Variants in SETX observed in about 807,000 individuals in gnomAD.
SETX encodes the protein helicase senataxin.
A neutral mutation model predicts 227.2 loss-of-function variants in SETX; 90 were observed. The observed-to-expected ratio is 0.40, with a 90% CI of 0.33 to 0.47. The LOEUF is 0.47. Ranked by LOEUF, SETX falls within the 20% of genes least tolerant of loss-of-function variation. SETX has a pLI of 0.91. For synonymous variants in SETX, 1,210 were observed against 1,113.2 expected, an observed-to-expected ratio of 1.09 and a Z score of -1.73; for missense variants, 3,052 against 3,181.5, an observed-to-expected ratio of 0.96 and a Z score of 0.98.
intron 24 of SETX, 26 bp from the exon 25 acceptor site, chr9:132,269,728 C>CT: frequency 6.2e-7 from 1 of 1,610,046 alleles, no homozygotes; most frequent in South Asian, 1.1e-5. Flanking sequence ...AGAGTTCCTT[C>CT]TTTGTCTAGA....
At chr9:132,283,503 A>G (rs1310123083) in intron 18 of SETX, 90 bp from the exon 19 acceptor site, 5 of 1,448,970 alleles carry the variant, frequency 3.5e-6, no homozygotes, top group Non-Finnish European at 4.8e-6. Context: ...CTCACTATTT[A>G]TTAAAATAGA....
chr9:132,334,680 G>A lies in SETX; in HGVS notation c.766C>T (p.Leu256=), dbSNP rs1847479512. ...TTTTGTTTGTCTGAGCCCAACAACA[G>A]GGAATCCATGGCTTGTTCCTCAAGA... ...TILEEQAMDS[L]LLGSDKQNDF... Residue 256 remains leucine (L), a synonymous_variant, in exon 7 of 26, where the codon CTG becomes TTG. Transcript: ENST00000224140. The A allele has an allele frequency of 1.2e-6, 2 of 1,614,004 alleles. No individual in the cohort carries two copies. The highest frequency in any genetic ancestry group is 1.7e-5 in the Admixed American group (1 of 60,016).
In SETX at chr9:132,263,271, G is replaced by C. The variant is rs964770879; in HGVS notation, c.*968C>G. On this transcript the variant is annotated 3_prime_UTR_variant, in exon 26 of 26. Coordinates refer to ENST00000224140, the MANE Select transcript of SETX (RefSeq NM_015046.7). ...GCTGCCTGGTGATCAGAATCCCTTG[G>C]GAAATGTTGAACACACAGCTTCCCA... 6.6e-6 allele frequency: 1 copy of C among 152,112 alleles called. No homozygotes were observed. Among genetic ancestry groups the C allele is most frequent in the Non-Finnish European group, 1.5e-5 (1 of 68,030 alleles). The allele number at this position is 152,112 out of a possible 1,614,324, so 9.4% of individuals were successfully genotyped here.
chr9:132,335,388 C>G (rs1847552220), intron 6 of SETX, among the ~76,000 whole-genome samples: 1 of 36,096 alleles, frequency 2.8e-5, no homozygotes, highest in East Asian at 6.7e-4. Flanking sequence ...AAGACTCCGT[C>G]TCAAAAAAAA....
intron 10 of SETX, among the ~76,000 whole-genome samples, chr9:132,324,852 TC>T (rs1302040531): frequency 6.6e-6 from 1 of 152,222 alleles, no homozygotes; most frequent in African/African-American, 2.4e-5. Context: ...AAAAATTTGC[TC>T]CCACTTCTTA....
intron 13 of SETX, 99 bp from the exon 14 acceptor site, chr9:132,297,153 A>G (rs544503407): frequency 1.0e-6 from 1 of 998,844 alleles, no homozygotes; most frequent in Non-Finnish European, 1.5e-6. Flanking sequence ...CTTTCAATGC[A>G]TGAGACAAAA....
Position 132,330,037 on chromosome 9 carries a change from G to A in SETX, c.1561C>T (p.Leu521=), listed in dbSNP as rs148638979. ...TTAGATGGCATGGAATGCAATGACA[G>A]TGAAGATATCATTGCTGTTCCTTTG... ...CSKGTAMISS[L]SLHSMPSNSV... Residue 521 remains leucine, a synonymous_variant, in exon 10 of 26, where the codon CTG becomes TTG. Coordinates refer to ENST00000224140, the MANE Select transcript of SETX (RefSeq NM_015046.7). 20 of 1,614,154 alleles carry A rather than the reference G, an allele frequency of 1.2e-5. No homozygotes were observed. The highest frequency in any genetic ancestry group is 1.7e-5 in the Admixed American group (1 of 60,038).
intron 10 of SETX, among the ~76,000 whole-genome samples, chr9:132,320,390 A>G (rs1846241720): frequency 1.3e-5 from 2 of 152,172 alleles, no homozygotes; most frequent in Admixed American, 1.3e-4. Context: ...CCTGGCTAAC[A>G]CAGTGAAACC....
Position 132,329,129 on chromosome 9 carries a change from G to C in SETX, c.2469C>G (p.Phe823Leu), listed in dbSNP as rs141163823. Residue 823 changes from phenylalanine (F) to leucine (L), a missense_variant, in exon 10 of 26, where the codon TTC (phenylalanine) becomes TTG (leucine). Physicochemically the swap from Phe to Leu is conservative, Grantham distance 22 (BLOSUM62 0). Coordinates refer to ENST00000224140, the MANE Select transcript of SETX (RefSeq NM_015046.7). Reference sequence around the variant, plus strand: ...GAACTCCTGTATCTTTCCTTGAATAGAAACTCTCAATGTTAGATACAGTCA... The same window carrying C: ...GAACTCCTGTATCTTTCCTTGAATACAAACTCTCAATGTTAGATACAGTCA... ...ENLTVSNIESFYSRKDTGVQK... is the reference protein window; with the variant it reads ...ENLTVSNIESLYSRKDTGVQK... 1,221 of 1,610,084 alleles carry C rather than the reference G, an allele frequency of 7.6e-4. 32 individuals carry two copies. The East Asian group carries it at 0.027, about 36-fold the overall frequency.
In SETX at chr9:132,281,973, G is replaced by A. The variant is rs190517028; in HGVS notation, c.6547-399C>T. On this transcript the variant is annotated intron_variant, in intron 19 of 25. Coordinates refer to ENST00000224140, the MANE Select transcript of SETX (RefSeq NM_015046.7). ...GGAGGCAGAGGTTGCAGTGAGCCGAGATCACATCACTGCACTCCGGTCTGG... is the reference window on the plus strand; with the variant it reads ...GGAGGCAGAGGTTGCAGTGAGCCGAAATCACATCACTGCACTCCGGTCTGG... 6.8e-5 allele frequency among the ~76,000 whole-genome samples: 9 copies of A among 132,758 alleles called. No homozygotes were observed. In the East Asian group the frequency reaches 2.3e-3, roughly 34 times the overall value. 87.1% of individuals were successfully genotyped at this position (132,758 alleles called of 152,430 possible).
At position 132,285,878 on chromosome 9, in the gene SETX, CA is replaced by C. The variant is rs35343871; in HGVS notation, c.6396+544del. Reference sequence around the variant, plus strand: ...CTGGCAACAGAGTGAGACTCTGTCTCAAAAAAAAAAAAACACAAAAGAGGCC... The same window carrying C: ...CTGGCAACAGAGTGAGACTCTGTCTCAAAAAAAAAAAACACAAAAGAGGCC... On this transcript the variant is annotated intron_variant, in intron 18 of 25. Transcript: ENST00000224140. 2.9e-3 allele frequency among the ~76,000 whole-genome samples: 305 copies of C among 106,266 alleles called. 6 individuals carry two copies. In the East Asian group the frequency reaches 0.037, roughly 13 times the overall value. The allele number at this position is 106,266 out of a possible 152,430, so 69.7% of individuals were successfully genotyped here.
chr9:132,267,993 T>C (rs1178391301), intron 25 of SETX, among the ~76,000 whole-genome samples: 1 of 152,240 alleles, frequency 6.6e-6, no homozygotes, highest in African/African-American at 2.4e-5. Context: ...CTAGCAACAT[T>C]TCATTTACTT....
rs767505605 is a variant in SETX at position 132,329,115 on chromosome 9, T to C, written c.2483A>G (p.Asp828Gly). The C allele has an allele frequency of 6.2e-7, 1 of 1,610,262 alleles. No individual in the cohort carries two copies. The highest frequency in any genetic ancestry group is 2.2e-5 in the East Asian group (1 of 44,832). Reference protein sequence around the residue: ...SNIESFYSRKDTGVQKGDGFI... With the variant: ...SNIESFYSRKGTGVQKGDGFI... ...ACCATCTCCTTTCTGAACTCCTGTATCTTTCCTTGAATAGAAACTCTCAAT... is the reference window on the plus strand; with the variant it reads ...ACCATCTCCTTTCTGAACTCCTGTACCTTTCCTTGAATAGAAACTCTCAAT... The change falls in exon 10 of 26, where the codon GAT becomes GGT. Residue 828 changes from aspartate (D) to glycine (G), a missense_variant. Around this residue, in one of 10 missense-constraint regions of SETX, gnomAD observed 1,483 missense variants for 1,312.0 expected, o/e 1.13. Coordinates refer to ENST00000224140, the MANE Select transcript of SETX (RefSeq NM_015046.7).
chr9:132,283,160 C>T lies in SETX; in HGVS notation c.6546+104G>A, dbSNP rs577168773. On this transcript the variant is annotated intron_variant, in intron 19 of 25. Coordinates refer to ENST00000224140, the MANE Select transcript of SETX (RefSeq NM_015046.7). ...GGTAATAGCAAGTGAAAATCAGATG[C>T]AAAAAAAAAAAACACATTTCCTCAA... The T allele has an allele frequency of 1.1e-3, 1,256 of 1,157,402 alleles. 6 individuals are homozygous for T. In the African/African-American group the frequency reaches 0.018, roughly 17 times the overall value. The allele number at this position is 1,157,402 out of a possible 1,614,324, so 71.7% of individuals were successfully genotyped here. A position where few individuals can be genotyped will look rare whatever the true frequency, so the allele number is the denominator to read the frequency against.
chr9:132,281,882 C>A (rs573214855), intron 19 of SETX, among the ~76,000 whole-genome samples: 3 of 151,680 alleles, frequency 2.0e-5, no homozygotes, highest in African/African-American at 7.3e-5. Flanking sequence ...ATTAGCTGGG[C>A]GTGGTGGCAA....
chr9:132,269,715 A>C lies in SETX; in HGVS notation c.7200-13T>G, dbSNP rs766339527. On this transcript the variant is annotated splice_polypyrimidine_tract_variant and intron_variant, in intron 24 of 25. Transcript: ENST00000224140. ...ACTTGCCAGGAATCTAGGCAATAAA[A>C]AAAGAGTTCCTTCTTTGTCTAGAAT... The C allele has an allele frequency of 1.2e-6, 2 of 1,613,474 alleles. No homozygotes were observed. Among genetic ancestry groups the C allele is most frequent in the South Asian group, 2.2e-5 (2 of 91,076 alleles).
intron 11 of SETX, among the ~76,000 whole-genome samples, chr9:132,307,286 A>T (rs1330001191): frequency 6.6e-6 from 1 of 152,060 alleles, no homozygotes; most frequent in Non-Finnish European, 1.5e-5. Context: ...CAACAATAAT[A>T]ATGTTTTCTG....
Position 132,264,011 on chromosome 9 carries a change from C to T in SETX, c.*228G>A, listed in dbSNP as rs1404126022. 2 of 592,814 alleles carry T rather than the reference C, an allele frequency of 3.4e-6. No individual in the cohort carries two copies. The highest frequency in any genetic ancestry group is 2.0e-5 in the South Asian group (1 of 48,978). The allele number at this position is 592,814 out of a possible 1,614,324, so 36.7% of individuals were successfully genotyped here. A position where few individuals can be genotyped will look rare whatever the true frequency, so the allele number is the denominator to read the frequency against. ...ACTAAGAGATCAACATTTCCAGTCT[C>T]TGACTTCAAGGACATTATTACGGAT... On this transcript the variant is annotated 3_prime_UTR_variant, in exon 26 of 26. Transcript: ENST00000224140.
intron 11 of SETX, among the ~76,000 whole-genome samples, chr9:132,307,207 A>G (rs1291217435): frequency 6.6e-6 from 1 of 152,188 alleles, no homozygotes; most frequent in East Asian, 1.9e-4. Flanking sequence ...GTGAGCCAAG[A>G]TCAGCTACTG....
Sources: allele counts gnomAD v4.1 joint callset (sites outside exome capture counted in the v4.1 genomes callset), GRCh38; gene constraint gnomAD v4.1.1; regional missense constraint gnomAD v4.1.1; transcripts MANE v1.5; gene names NCBI Gene and HGNC (gene_info 2026-07-23, HGNC 2026-07-21).